SDR42E2: variants seen among roughly 807,000 people sequenced by gnomAD.
SDR42E2 encodes short chain dehydrogenase/reductase family 42E, member 2.
Under a neutral mutation model 10.5 loss-of-function variants are expected in SDR42E2, and 20 were observed. The observed-to-expected ratio is 1.90, with a 90% CI of 1.34 to 2.77. The LOEUF is 2.77. SDR42E2 is among the 30% of genes most tolerant of loss of function. The pLI, the probability that SDR42E2 is intolerant of heterozygous loss-of-function variation, is 0.00. For synonymous variants in SDR42E2, 72 were observed against 39.2 expected (o/e 1.84, Z -3.12); for missense variants, 162 against 104.2 (o/e 1.55, Z -2.42).
At chr16:22,173,903 GTGTATATATATA>G (rs761224811) in intron 7 of SDR42E2, among the ~76,000 whole-genome samples, 12 of 112,780 alleles carry the variant, frequency 1.1e-4, no homozygotes, top group Middle Eastern at 9.4e-3. Context: ...ATATGTGTGT[GTGTATATATATA>G]TATATATATA....
At chr16:22,178,618 C>G (rs967906206) in intron 8 of SDR42E2, among the ~76,000 whole-genome samples, 4 of 152,156 alleles carry the variant, frequency 2.6e-5, no homozygotes, top group Non-Finnish European at 5.9e-5. Context: ...GGCTATAGGC[C>G]CTGTCCTCGA....
intron 7 of SDR42E2, among the ~76,000 whole-genome samples, chr16:22,173,744 C>T (rs868061634): frequency 4.6e-5 from 7 of 151,506 alleles, no homozygotes; most frequent in African/African-American, 7.3e-5. Flanking sequence ...CTATTTGGGC[C>T]GGTACAGTGG....
intron 7 of SDR42E2, 93 bp downstream of exon 7, chr16:22,172,424 A>C: frequency 1.4e-6 from 1 of 693,750 alleles, no homozygotes. Flanking sequence ...CATGTGTCTG[A>C]GGCCCACCTT....
intron 8 of SDR42E2, among the ~76,000 whole-genome samples, chr16:22,178,447 G>A (rs1416393404): frequency 1.3e-5 from 2 of 152,214 alleles, no homozygotes; most frequent in African/African-American, 2.4e-5. Flanking sequence ...ACGGGTAGAG[G>A]AGCCATAGAG....
chr16:22,189,897 G>T (rs2046759173), intron 12 of SDR42E2, among the ~76,000 whole-genome samples: 1 of 152,202 alleles, frequency 6.6e-6, no homozygotes, highest in Admixed American at 6.5e-5. Context: ...TGCGAATTCA[G>T]CGGGGCTGGA....
chr16:22,172,435 C>G (rs1403143472), intron 7 of SDR42E2, 104 bp downstream of exon 7: 2 of 688,726 alleles, frequency 2.9e-6, no homozygotes, highest in Non-Finnish European at 5.3e-6. Flanking sequence ...GGCCCACCTT[C>G]CTTCCAAAGG....
chr16:22,172,399 T>C (rs2046609409), intron 7 of SDR42E2, 68 bp downstream of exon 7: 2 of 702,652 alleles, frequency 2.8e-6, no homozygotes, highest in African/African-American at 1.7e-5. Context: ...AAAATACATG[T>C]GTGATTCATG....
intron 10 of SDR42E2, among the ~76,000 whole-genome samples, chr16:22,183,605 T>G (rs1177873668): frequency 6.6e-6 from 1 of 152,226 alleles, no homozygotes; most frequent in Non-Finnish European, 1.5e-5. Flanking sequence ...GACACAGGTT[T>G]CCTCTTGACC....
chr16:22,189,489 C>G (rs2046756133), intron 12 of SDR42E2, among the ~76,000 whole-genome samples: 1 of 152,128 alleles, frequency 6.6e-6, no homozygotes. Context: ...GGATTTAGTC[C>G]AGGCCAAATG....
intron 5 of SDR42E2, 150 bp downstream of exon 5, chr16:22,169,652 A>T: frequency 1.5e-6 from 1 of 658,166 alleles, no homozygotes. Flanking sequence ...AGGGCCCTGC[A>T]TGGGTGTGTC....
intron 8 of SDR42E2, 100 bp downstream of exon 8, chr16:22,178,312 G>C (rs756730405): frequency 2.0e-5 from 13 of 634,434 alleles, no homozygotes; most frequent in Non-Finnish European, 3.7e-5. Flanking sequence ...CATCAGTCTC[G>C]AGGCTAAGTG....
At chr16:22,167,455 G>C (rs1300978805) in intron 4 of SDR42E2, among the ~76,000 whole-genome samples, 1 of 152,032 alleles carries the variant, frequency 6.6e-6, no homozygotes, top group Non-Finnish European at 1.5e-5. Context: ...AAAGTGCTGG[G>C]ATTACAGGCA....
chr16:22,169,731 A>T (rs904933922), intron 5 of SDR42E2, among the ~76,000 whole-genome samples: 1 of 152,312 alleles, frequency 6.6e-6, no homozygotes, highest in African/African-American at 2.4e-5. Context: ...GACTGGAAAA[A>T]GAAAAGTTGC....
chr16:22,162,694 C>T (rs1182841380), intron 1 of SDR42E2, among the ~76,000 whole-genome samples, 130 bp downstream of exon 1: 1 of 152,202 alleles, frequency 6.6e-6, no homozygotes, highest in Admixed American at 6.5e-5. Flanking sequence ...CAGGGTCAGT[C>T]CCTGATGCTC....
chr16:22,171,170 C>T (rs1408231973), intron 6 of SDR42E2, among the ~76,000 whole-genome samples: 1 of 152,216 alleles, frequency 6.6e-6, no homozygotes, highest in Non-Finnish European at 1.5e-5. Context: ...CTCAACCTGG[C>T]CGCATTCTAC....
chr16:22,165,450 A>G lies in SDR42E2; in HGVS notation c.-36-97A>G, dbSNP rs575755294. ...TCCCTGGGAACTCAGAGAATTTCTAATTTCCACCTGGAGTTCCCCTCAGTC... is the reference window on the plus strand; with the variant it reads ...TCCCTGGGAACTCAGAGAATTTCTAGTTTCCACCTGGAGTTCCCCTCAGTC... On this transcript the variant is annotated intron_variant, in intron 1 of 12. Transcript: ENST00000602312. 10 of 394,652 alleles carry G rather than the reference A, an allele frequency of 2.5e-5. No individual in the cohort carries two copies. The South Asian group carries it at 1.4e-3, about 55-fold the overall frequency. 24.4% of individuals were successfully genotyped at this position (394,652 alleles called of 1,614,324 possible). A position where few individuals can be genotyped will look rare whatever the true frequency, so the allele number is the denominator to read the frequency against.
intron 12 of SDR42E2, among the ~76,000 whole-genome samples, chr16:22,188,462 A>G (rs2046750227): frequency 6.6e-6 from 1 of 152,062 alleles, no homozygotes; most frequent in African/African-American, 2.4e-5. Flanking sequence ...GTTGTAGACA[A>G]CATTGTCCTC....
chr16:22,189,969 C>G (rs2046760207), intron 12 of SDR42E2, among the ~76,000 whole-genome samples, 170 bp from the exon 13 acceptor site: 1 of 152,220 alleles, frequency 6.6e-6, no homozygotes, highest in Admixed American at 6.5e-5. Flanking sequence ...AAAGGAAGAC[C>G]TCTCTAATGA....
At chr16:22,175,290 T>C (rs1197971872) in intron 7 of SDR42E2, among the ~76,000 whole-genome samples, 1 of 151,738 alleles carries the variant, frequency 6.6e-6, no homozygotes, top group East Asian at 1.9e-4. Flanking sequence ...CAAAACTCCA[T>C]CTCTACAAAA....
Sources: allele counts gnomAD v4.1 joint callset (sites outside exome capture counted in the v4.1 genomes callset), GRCh38; gene constraint gnomAD v4.1.1; transcripts MANE v1.5; gene names NCBI Gene and HGNC (gene_info 2026-07-23, HGNC 2026-07-21).